Variants in INPP5A observed in about 807,000 individuals in gnomAD.
The protein encoded by INPP5A is 43 kDa inositol polyphosphate 5-phophatase.
A neutral mutation model predicts 65.2 loss-of-function variants in INPP5A; 14 were observed. The ratio of observed to expected loss-of-function variants is 0.21; its 90% CI spans 0.14 to 0.34. The LOEUF (loss-of-function observed/expected upper bound fraction) is 0.34, where lower values mean the gene tolerates loss of function less well. INPP5A is among the 10% of genes least tolerant of loss of function. INPP5A has a pLI of 1.00. For missense variants in INPP5A, 431 were observed against 545.6 expected (o/e 0.79, Z 2.09); for synonymous variants, 207 against 208.3 (o/e 0.99, Z 0.05).
chr10:132,563,007 G>A (rs566345030), intron 1 of INPP5A, among the ~76,000 whole-genome samples: 89 of 152,352 alleles, frequency 5.8e-4, no homozygotes, highest in African/African-American at 1.2e-3. Flanking sequence ...TGGGGAGGGC[G>A]CGGGGAGGAG....
chr10:132,700,979 G>GC (rs1387567783), intron 6 of INPP5A, among the ~76,000 whole-genome samples: 1 of 151,988 alleles, frequency 6.6e-6, no homozygotes, highest in African/African-American at 2.4e-5. Context: ...TTTTCCTTTT[G>GC]CCCGTAGTGA....
rs972160518 is a variant in INPP5A at position 132,674,922 on chromosome 10, G to A, written c.307-15470G>A. The stretch of plus-strand genomic sequence containing the variant: ...GATTCACCTATGGGGACCTGCCAAA[G>A]GCTCCAAACAGCATCCTTATCTGCC... On this transcript the variant is annotated intron_variant, in intron 4 of 15. Transcript: ENST00000368594. The surrounding 1 kb of genome is among the most constrained non-coding windows in gnomAD (Gnocchi z 4.4). Among the ~76,000 whole-genome samples the A allele has an allele frequency of 1.3e-5, 2 of 152,172 alleles. No individual in the cohort carries two copies. Among genetic ancestry groups the A allele is most frequent in the Non-Finnish European group, 2.9e-5 (2 of 68,036 alleles).
intron 13 of INPP5A, among the ~76,000 whole-genome samples, chr10:132,780,426 T>C (rs1039436645): frequency 1.3e-5 from 2 of 152,228 alleles, no homozygotes; most frequent in Non-Finnish European, 2.9e-5. Context: ...TGGAACTAGA[T>C]GGGCTGCCGC....
At chr10:132,642,093 G>A (rs891911333) in intron 2 of INPP5A, among the ~76,000 whole-genome samples, 8 of 152,226 alleles carry the variant, frequency 5.3e-5, no homozygotes, top group Admixed American at 2.0e-4. Context: ...AGCCATCTGG[G>A]AGTCCAGCGG....
intron 1 of INPP5A, among the ~76,000 whole-genome samples, chr10:132,573,157 G>C (rs543573788): frequency 7.1e-6 from 1 of 141,610 alleles, no homozygotes. Context: ...TGTGTGTGCC[G>C]TGTGAGGTTT....
chr10:132,728,312 C>G (rs1846021005), intron 9 of INPP5A, among the ~76,000 whole-genome samples: 1 of 152,272 alleles, frequency 6.6e-6, no homozygotes, highest in South Asian at 2.1e-4. Context: ...TGCTTCCTTT[C>G]TCCTCGTAGA....
chr10:132,768,962 C>T (rs923449259), intron 12 of INPP5A, among the ~76,000 whole-genome samples: 2 of 152,346 alleles, frequency 1.3e-5, no homozygotes, highest in South Asian at 4.1e-4. Flanking sequence ...GACCCTCCCG[C>T]GGGCAGTAGA....
rs551722855 is a variant in INPP5A, at chr10:132,571,696, C to T, written c.75+33525C>T. ...CAGGCAGACCTGTCATCCCCGCAGCCCTGACGTGCGTGCTGTAAGGACCTC... is the reference window on the plus strand; with the variant it reads ...CAGGCAGACCTGTCATCCCCGCAGCTCTGACGTGCGTGCTGTAAGGACCTC... On this transcript the variant is annotated intron_variant, in intron 1 of 15. Coordinates refer to ENST00000368594, the MANE Select transcript of INPP5A (RefSeq NM_005539.5). 2.6e-5 allele frequency among the ~76,000 whole-genome samples: 4 copies of T among 152,332 alleles called. No homozygotes were observed. The South Asian group carries it at 8.3e-4, about 32-fold the overall frequency.
intron 12 of INPP5A, among the ~76,000 whole-genome samples, chr10:132,775,650 C>T (rs545252766): frequency 7.2e-5 from 11 of 152,270 alleles, no homozygotes; most frequent in Admixed American, 2.0e-4. Flanking sequence ...CCTGTTGAGT[C>T]GTCTGTGAAC....
chr10:132,553,978 T>A (rs1244041372), intron 1 of INPP5A, among the ~76,000 whole-genome samples: 6 of 149,490 alleles, frequency 4.0e-5, no homozygotes, highest in African/African-American at 1.5e-4. Context: ...TCTCAGAGCC[T>A]TGGTGGAATA....
At chr10:132,626,803 G>T (rs1382895163) in intron 2 of INPP5A, among the ~76,000 whole-genome samples, 1 of 152,206 alleles carries the variant, frequency 6.6e-6, no homozygotes, top group Non-Finnish European at 1.5e-5. Flanking sequence ...GGCGACTGTG[G>T]GAGGCCCCTT....
At chr10:132,695,020 G>A (rs77847436) in intron 5 of INPP5A, among the ~76,000 whole-genome samples, 3,478 of 152,132 alleles carry the variant, frequency 0.023, 56 homozygotes, top group South Asian at 0.04. Context: ...GAGGACAAAC[G>A]TCCTAAATCA....
At chr10:132,735,851 A>G (rs1200878571) in intron 9 of INPP5A, among the ~76,000 whole-genome samples, 1 of 152,182 alleles carries the variant, frequency 6.6e-6, no homozygotes, top group Non-Finnish European at 1.5e-5. Context: ...GTGGCCCTGG[A>G]GGCTCTCAGA....
chr10:132,681,094 C>T (rs890954799), intron 4 of INPP5A, among the ~76,000 whole-genome samples: 2 of 152,246 alleles, frequency 1.3e-5, no homozygotes, highest in Non-Finnish European at 2.9e-5. Context: ...GCGGGATCCA[C>T]CGTGTGAAGC....
At chr10:132,724,958 G>A (rs920523001) in intron 8 of INPP5A, among the ~76,000 whole-genome samples, 1 of 151,122 alleles carries the variant, frequency 6.6e-6, no homozygotes, top group African/African-American at 2.4e-5. Context: ...GGAGACCCCA[G>A]GACGACAGGA....
At chr10:132,633,295 A>C (rs889739960) in intron 2 of INPP5A, among the ~76,000 whole-genome samples, 2 of 152,146 alleles carry the variant, frequency 1.3e-5, no homozygotes, top group Non-Finnish European at 2.9e-5. Context: ...TACCCGGTAC[A>C]TTCTGCAGCT....
intron 8 of INPP5A, among the ~76,000 whole-genome samples, chr10:132,714,779 G>A (rs1005886823): frequency 6.6e-6 from 1 of 152,380 alleles, no homozygotes; most frequent in African/African-American, 2.4e-5. Flanking sequence ...GCCCCAGGGC[G>A]AGTGCTGCGG....
intron 8 of INPP5A, among the ~76,000 whole-genome samples, chr10:132,721,668 C>A (rs1250966962): frequency 6.7e-6 from 1 of 149,146 alleles, no homozygotes; most frequent in East Asian, 2.0e-4. Context: ...TCTGTCTGGG[C>A]ACCTTAGACA....
rs535735045 is a variant in INPP5A at position 132,591,908 on chromosome 10, G to T, written c.76-16007G>T. ...GCTGTGTTTCCTTGTCCGAGGGAAT[G>T]ACTGGGTTTGCCCAGGAGGAAAGAG... On this transcript the variant is annotated intron_variant, in intron 1 of 15. Transcript: ENST00000368594. 2.0e-5 allele frequency among the ~76,000 whole-genome samples: 3 copies of T among 152,358 alleles called. No homozygotes were observed. In the South Asian group the frequency reaches 6.2e-4, roughly 32 times the overall value.
Sources: allele counts gnomAD v4.1 joint callset (sites outside exome capture counted in the v4.1 genomes callset), GRCh38; gene constraint gnomAD v4.1.1; non-coding constraint Gnocchi (gnomAD v3.1); transcripts MANE v1.5; gene names NCBI Gene and HGNC (gene_info 2026-07-23, HGNC 2026-07-21).